CARF: variants seen among roughly 807,000 people sequenced by gnomAD.
CARF encodes calcium responsive transcription factor.
CARF carries 57 observed loss-of-function variants against 82.0 expected under a neutral mutation model. That is an observed-to-expected ratio of 0.70 (90% confidence interval 0.56 to 0.87). The LOEUF is 0.87. Among genes scored for constraint, CARF ranks in the 40% least tolerant of loss-of-function variants. The pLI, the probability that CARF is intolerant of heterozygous loss-of-function variation, is 0.00. For missense variants in CARF, 771 were observed against 855.8 expected (o/e 0.90, Z 1.24); for synonymous variants, 268 against 290.1 (o/e 0.92, Z 0.77).
At chr2:202,936,045 G>C (rs976270564) in intron 3 of CARF, among the ~76,000 whole-genome samples, 1 of 151,616 alleles carries the variant, frequency 6.6e-6, no homozygotes, top group African/African-American at 2.4e-5. Context: ...CTCCCATGCT[G>C]GTCTCAAATT....
In CARF at chr2:202,966,916, A is replaced by C. The variant is rs201220230; in HGVS notation, c.833-62A>C. 8.3e-4 allele frequency: 1,256 copies of C among 1,513,154 alleles called. 1 individual carries two copies. Among genetic ancestry groups the C allele is most frequent in the Non-Finnish European group, 1.0e-3 (1,146 of 1,123,302 alleles). 93.7% of individuals were successfully genotyped at this position (1,513,154 alleles called of 1,614,324 possible). A position where few individuals can be genotyped will look rare whatever the true frequency, so the allele number is the denominator to read the frequency against. ...ACATTGCCACCACCAAGTTACTTTT[A>C]ATCTAGTGTCTAGAATAGATGGACA... On this transcript the variant is annotated intron_variant, in intron 9 of 16. Transcript: ENST00000438828.
chr2:202,960,428 T>C (rs1224406823), intron 8 of CARF, among the ~76,000 whole-genome samples: 1 of 152,116 alleles, frequency 6.6e-6, no homozygotes, highest in African/African-American at 2.4e-5. Context: ...TTTTGTATTT[T>C]TCGTACTGAT....
At chr2:202,959,009 AATG>A (rs1340798668) in intron 8 of CARF, among the ~76,000 whole-genome samples, 1 of 151,342 alleles carries the variant, frequency 6.6e-6, no homozygotes, top group East Asian at 1.9e-4. Context: ...TTTCTCATTT[AATG>A]ATGTTTTACT....
intron 1 of CARF, among the ~76,000 whole-genome samples, chr2:202,914,516 G>T (rs1161085128): frequency 2.0e-5 from 3 of 152,034 alleles, no homozygotes. Context: ...CTCTCAAAGA[G>T]CAGCCTAATC....
chr2:202,943,631 T>C (rs61347726), intron 5 of CARF, among the ~76,000 whole-genome samples: 58,367 of 107,750 alleles, frequency 0.54, 14,038 homozygotes, highest in Middle Eastern at 0.69. Flanking sequence ...CACACACACA[T>C]ATTAGGCTAA....
intron 3 of CARF, among the ~76,000 whole-genome samples, chr2:202,928,436 G>A (rs1692262521): frequency 6.6e-6 from 1 of 152,072 alleles, no homozygotes; most frequent in African/African-American, 2.4e-5. Context: ...AATAAACATG[G>A]GAGTGCAGCT....
At chr2:202,962,478 A>G (rs2059363403) in intron 9 of CARF, 1 of 152,050 alleles carries the variant, frequency 6.6e-6, no homozygotes. Context: ...GTGACAGAGT[A>G]AGACCCTGTC....
chr2:202,966,862 C>G, intron 9 of CARF, 116 bp from the exon 10 acceptor site: 1 of 925,576 alleles, frequency 1.1e-6, no homozygotes, highest in Non-Finnish European at 1.6e-6. Flanking sequence ...TGTTTTCTTT[C>G]CTTAAAGCTG....
chr2:202,984,356 T>C lies in CARF; in HGVS notation c.*732T>C, dbSNP rs767686047. 2 of 152,210 alleles carry C rather than the reference T, an allele frequency of 1.3e-5. No individual in the cohort carries two copies. Among genetic ancestry groups the C allele is most frequent in the African/African-American group, 2.4e-5 (1 of 41,452 alleles). The allele number at this position is 152,210 out of a possible 1,614,324, so 9.4% of individuals were successfully genotyped here. On this transcript the variant is annotated 3_prime_UTR_variant, in exon 17 of 17. Coordinates refer to ENST00000438828, the MANE Select transcript of CARF (RefSeq NM_024744.17). ...CAGATAAGCAACAGAAATCAACATATGTAGCATGGATTTGTGCTATATTGG... is the reference window on the plus strand; with the variant it reads ...CAGATAAGCAACAGAAATCAACATACGTAGCATGGATTTGTGCTATATTGG...
chr2:202,958,495 G>A (rs1038153087), intron 8 of CARF, among the ~76,000 whole-genome samples: 3 of 151,988 alleles, frequency 2.0e-5, no homozygotes, highest in East Asian at 1.9e-4. Flanking sequence ...TAAAATCATC[G>A]TATATCTTGT....
At position 202,983,769 on chromosome 2, in the gene CARF, T is replaced by C. The variant is rs2060356597; in HGVS notation, c.*145T>C. 1.6e-6 allele frequency: 1 copy of C among 614,728 alleles called. No homozygotes were observed. The highest frequency in any genetic ancestry group is 1.9e-5 in the South Asian group (1 of 51,638). 38.1% of individuals were successfully genotyped at this position (614,728 alleles called of 1,614,324 possible). ...CTTTTATTTAAAACTGATATATTTG[T>C]TGCCAGTTCCATATTTTTACCTTCC... On this transcript the variant is annotated 3_prime_UTR_variant, in exon 17 of 17. Coordinates refer to ENST00000438828, the MANE Select transcript of CARF (RefSeq NM_024744.17).
At position 202,987,924 on chromosome 2, in the gene CARF, C is replaced by T. The variant is rs1161434194; in HGVS notation, c.*4300C>T. Among the ~76,000 whole-genome samples, 1 of 152,120 alleles carries T rather than the reference C, an allele frequency of 6.6e-6. No homozygotes were observed. The highest frequency in any genetic ancestry group is 2.4e-5 in the African/African-American group (1 of 41,424). On this transcript the variant is annotated 3_prime_UTR_variant, in exon 17 of 17. Coordinates refer to ENST00000438828, the MANE Select transcript of CARF (RefSeq NM_024744.17). ...TCATCAGCATAAGCAAGGTAATGAA[C>T]ATATTCATCACTCTCAAAGTTTCAT... is the stretch of plus-strand genomic sequence containing the variant.
chr2:202,977,914 C>T (rs775461309), intron 14 of CARF, among the ~76,000 whole-genome samples: 1 of 152,280 alleles, frequency 6.6e-6, no homozygotes, highest in Non-Finnish European at 1.5e-5. Context: ...GGTGCGTTCT[C>T]GGCTCACTGA....
intron 3 of CARF, among the ~76,000 whole-genome samples, chr2:202,935,214 C>A (rs1693721244): frequency 1.5e-5 from 2 of 135,072 alleles, no homozygotes; most frequent in Non-Finnish European, 3.1e-5. Flanking sequence ...ATAATATATT[C>A]ATTTACTATA....
At chr2:202,979,550 C>T (rs537249648) in intron 14 of CARF, among the ~76,000 whole-genome samples, 118 of 152,112 alleles carry the variant, frequency 7.8e-4, no homozygotes, top group East Asian at 4.7e-3. Context: ...CCTGTAATCC[C>T]AGCACTTTGG....
rs1417873521 is a variant in CARF at position 202,943,627 on chromosome 2, CACAT to C, written c.306+662_306+665del. ...ACACACACACACACACACACACACA[CACAT>C]ATTAGGCTAACTCCAGTTTTGTTTT... On this transcript the variant is annotated intron_variant, in intron 5 of 16. Transcript: ENST00000438828. Among the ~76,000 whole-genome samples, 54 of 120,392 alleles carry C rather than the reference CACAT, an allele frequency of 4.5e-4. 1 individual carries two copies. Among genetic ancestry groups the C allele is most frequent in the Middle Eastern group, 4.7e-3 (1 of 212 alleles). 79.0% of individuals were successfully genotyped at this position (120,392 alleles called of 152,430 possible).
At chr2:202,982,726 G>T (rs2060316584) in intron 16 of CARF, among the ~76,000 whole-genome samples, 1 of 151,812 alleles carries the variant, frequency 6.6e-6, no homozygotes, top group Non-Finnish European at 1.5e-5. Flanking sequence ...AAACCAGGAA[G>T]GTCATTTTAG....
chr2:202,924,210 C>G (rs1442696808), intron 2 of CARF, 87 bp from the exon 3 acceptor site: 1 of 152,158 alleles, frequency 6.6e-6, no homozygotes, highest in Non-Finnish European at 1.5e-5. Context: ...AATATTTTTT[C>G]CCATCTGTAA....
At chr2:202,920,797 T>C (rs987560726) in intron 2 of CARF, among the ~76,000 whole-genome samples, 5 of 152,226 alleles carry the variant, frequency 3.3e-5, no homozygotes, top group African/African-American at 1.2e-4. Context: ...TTTAAAACGT[T>C]ATATTCCTAA....
Sources: allele counts gnomAD v4.1 joint callset (sites outside exome capture counted in the v4.1 genomes callset), GRCh38; gene constraint gnomAD v4.1.1; transcripts MANE v1.5; gene names NCBI Gene and HGNC (gene_info 2026-07-23, HGNC 2026-07-21).